Variants in PDE8A observed in about 807,000 individuals in gnomAD.
PDE8A encodes the protein phosphodiesterase 8A.
A neutral mutation model predicts 105.0 loss-of-function variants in PDE8A; 59 were observed. The observed-to-expected ratio is 0.56, with a 90% confidence interval of 0.46 to 0.70. The LOEUF (loss-of-function observed/expected upper bound fraction) is 0.70. PDE8A is among the 30% of genes least tolerant of loss of function. The pLI, the probability that PDE8A is intolerant of heterozygous loss-of-function variation, is 0.00. For synonymous variants in PDE8A, 355 were observed against 371.9 expected (o/e 0.95, Z 0.52); for missense variants, 1,014 against 1,045.9 (o/e 0.97, Z 0.42).
chr15:85,057,417 A>G (rs552166143), intron 1 of PDE8A, among the ~76,000 whole-genome samples: 23 of 152,330 alleles, frequency 1.5e-4, no homozygotes, highest in Middle Eastern at 6.8e-3. Flanking sequence ...GGTGGAGTCT[A>G]TAGAGGCAGG....
At chr15:85,110,521 T>C (rs965817011) in intron 12 of PDE8A, among the ~76,000 whole-genome samples, 12 of 152,214 alleles carry the variant, frequency 7.9e-5, no homozygotes, top group African/African-American at 2.9e-4. Context: ...CGGCCTCTCC[T>C]TGTGCCTCAT....
intron 1 of PDE8A, among the ~76,000 whole-genome samples, chr15:85,051,844 T>A (rs2080979169): frequency 1.3e-5 from 2 of 152,216 alleles, no homozygotes; most frequent in African/African-American, 4.8e-5. Flanking sequence ...TATTATACTT[T>A]AAGTTCTAGG....
chr15:84,991,303 C>T (rs571260387), intron 1 of PDE8A, among the ~76,000 whole-genome samples: 6 of 152,220 alleles, frequency 3.9e-5, no homozygotes, highest in Admixed American at 2.6e-4. Context: ...AGAAAACAAC[C>T]GCCCAGTTGA....
chr15:85,070,346 G>A (rs892404822), intron 3 of PDE8A, among the ~76,000 whole-genome samples: 4 of 152,128 alleles, frequency 2.6e-5, no homozygotes, highest in African/African-American at 9.7e-5. Flanking sequence ...GTCTCCTCAG[G>A]TCTGGGCACT....
chr15:85,053,738 A>T (rs2081013306), intron 1 of PDE8A, among the ~76,000 whole-genome samples: 1 of 152,256 alleles, frequency 6.6e-6, no homozygotes, highest in South Asian at 2.1e-4. Context: ...GGGGTTTTCT[A>T]AATATACAAT....
intron 1 of PDE8A, among the ~76,000 whole-genome samples, chr15:85,013,487 C>G (rs867154674): frequency 3.3e-5 from 5 of 152,200 alleles, no homozygotes; most frequent in Non-Finnish European, 2.9e-5. Context: ...CTCTTTCTTC[C>G]TCTCCTTCAA....
chr15:85,108,221 T>C (rs2081973177), intron 11 of PDE8A, among the ~76,000 whole-genome samples: 1 of 152,128 alleles, frequency 6.6e-6, no homozygotes. Context: ...GCAAAGGAAG[T>C]GCTAAGGGCC....
rs780229973 is a variant in PDE8A at position 85,100,000 on chromosome 15, G to GT, written c.942-9dup. 3 of 1,598,698 alleles carry GT rather than the reference G, an allele frequency of 1.9e-6. No homozygotes were observed. The Admixed American group carries it at 5.2e-5, about 27-fold the overall frequency. ...AGACTCAGAAGAGAAATAATGCATT[G>GT]TTTTTTACTTGCAGAAAAATTAGAC... On this transcript the variant is annotated splice_polypyrimidine_tract_variant and intron_variant, in intron 9 of 21. Coordinates refer to ENST00000394553, the MANE Select transcript of PDE8A (RefSeq NM_002605.3).
intron 20 of PDE8A, among the ~76,000 whole-genome samples, chr15:85,135,585 C>T (rs1252615184): frequency 2.0e-5 from 3 of 152,166 alleles, no homozygotes; most frequent in African/African-American, 7.2e-5. Context: ...AGCACAGGCG[C>T]CCTGGCACAG....
chr15:85,090,549 T>C (rs1421250855), intron 7 of PDE8A, among the ~76,000 whole-genome samples: 1 of 152,130 alleles, frequency 6.6e-6, no homozygotes, highest in Admixed American at 6.5e-5. Context: ...ATTCGAACCA[T>C]ATGAAAGAGA....
chr15:85,023,624 A>G (rs1020475614), intron 1 of PDE8A, among the ~76,000 whole-genome samples: 2 of 152,178 alleles, frequency 1.3e-5, no homozygotes, highest in Non-Finnish European at 2.9e-5. Flanking sequence ...CAGCATAGGA[A>G]TATTAGAGAG....
At chr15:84,986,319 C>T (rs561191213) in intron 1 of PDE8A, among the ~76,000 whole-genome samples, 1 of 152,330 alleles carries the variant, frequency 6.6e-6, no homozygotes, top group South Asian at 2.1e-4. Flanking sequence ...TCGAGTGTTA[C>T]TGCTGTCAGC....
intron 1 of PDE8A, among the ~76,000 whole-genome samples, chr15:85,047,603 A>C (rs1444318660): frequency 6.6e-6 from 1 of 152,258 alleles, no homozygotes; most frequent in African/African-American, 2.4e-5. Flanking sequence ...GGCAAAATTC[A>C]TAGTCTTAAA....
intron 3 of PDE8A, among the ~76,000 whole-genome samples, chr15:85,067,990 T>C (rs1200159369): frequency 6.6e-6 from 1 of 152,140 alleles, no homozygotes; most frequent in African/African-American, 2.4e-5. Flanking sequence ...GTGTTCCTCA[T>C]CTGTTTCAAT....
At chr15:85,066,991 G>T (rs1425520841) in intron 2 of PDE8A, 23 bp from the exon 3 acceptor site, 5 of 1,520,906 alleles carry the variant, frequency 3.3e-6, no homozygotes, top group Non-Finnish European at 3.6e-6. Flanking sequence ...TTTAAAAAAA[G>T]TGTTTGTGCT....
At chr15:85,032,719 T>C (rs1019988292) in intron 1 of PDE8A, among the ~76,000 whole-genome samples, 6 of 152,198 alleles carry the variant, frequency 3.9e-5, no homozygotes, top group Non-Finnish European at 8.8e-5. Context: ...TTCAAGAAAA[T>C]ACTCAGTTTT....
In PDE8A at chr15:85,131,693, T is replaced by C. The variant is rs1021264866; in HGVS notation, c.2254-4841T>C. Among the ~76,000 whole-genome samples, 5 of 152,348 alleles carry C rather than the reference T, an allele frequency of 3.3e-5. No individual in the cohort carries two copies. In the East Asian group the frequency reaches 7.7e-4, roughly 24 times the overall value. Reference sequence around the variant, plus strand: ...TTTATATTTTCCCATGTATTTACCATTATCAGAGATCTTTATATCAAGTTA... The same window carrying C: ...TTTATATTTTCCCATGTATTTACCACTATCAGAGATCTTTATATCAAGTTA... On this transcript the variant is annotated intron_variant, in intron 20 of 21. Coordinates refer to ENST00000394553, the MANE Select transcript of PDE8A (RefSeq NM_002605.3).
intron 11 of PDE8A, among the ~76,000 whole-genome samples, chr15:85,101,254 T>G (rs1017101225): frequency 6.6e-6 from 1 of 152,118 alleles, no homozygotes; most frequent in Non-Finnish European, 1.5e-5. Flanking sequence ...AATCAGAGAT[T>G]TAGTCTGAAA....
At chr15:85,078,389 T>C (rs1445549613) in intron 5 of PDE8A, among the ~76,000 whole-genome samples, 1 of 151,118 alleles carries the variant, frequency 6.6e-6, no homozygotes, top group Non-Finnish European at 1.5e-5. Flanking sequence ...TGACTAAAAA[T>C]ACAAAAATTA....
Sources: allele counts gnomAD v4.1 joint callset (sites outside exome capture counted in the v4.1 genomes callset), GRCh38; gene constraint gnomAD v4.1.1; transcripts MANE v1.5; gene names NCBI Gene and HGNC (gene_info 2026-07-23, HGNC 2026-07-21).